Variants in THOC1 observed in about 807,000 individuals in gnomAD.
THOC1 encodes the protein THO complex 1.
In THOC1, 29 loss-of-function variants were observed where a neutral mutation model predicts 97.3. The ratio of observed to expected loss-of-function variants is 0.30; its 90% CI spans 0.22 to 0.41. The LOEUF (loss-of-function observed/expected upper bound fraction) is 0.41. THOC1 is among the 10% of genes least tolerant of loss of function. The pLI is 1.00. For missense variants in THOC1, 529 were observed against 761.9 expected, an observed-to-expected ratio of 0.69 and a Z score of 3.60; for synonymous variants, 255 against 257.0, an observed-to-expected ratio of 0.99 and a Z score of 0.07.
intron 11 of THOC1, among the ~76,000 whole-genome samples, chr18:234,169 A>C (rs560094066): frequency 1.3e-5 from 2 of 152,300 alleles, no homozygotes; most frequent in African/African-American, 4.8e-5. Flanking sequence ...TAGTTCTAAC[A>C]GTTTCTTGGT....
intron 9 of THOC1, among the ~76,000 whole-genome samples, chr18:250,531 T>A (rs1912245601): frequency 6.6e-6 from 1 of 152,254 alleles, no homozygotes. Flanking sequence ...TATATTTTTT[T>A]AAATGTTCAG....
intron 17 of THOC1, among the ~76,000 whole-genome samples, chr18:223,034 CATTA>C (rs1298534973): frequency 1.3e-5 from 2 of 152,148 alleles, no homozygotes; most frequent in East Asian, 3.9e-4. Context: ...ATTTCTTAAT[CATTA>C]ATTAACCCAT....
intron 9 of THOC1, among the ~76,000 whole-genome samples, chr18:250,674 A>G (rs960427771): frequency 3.9e-5 from 6 of 152,228 alleles, no homozygotes; most frequent in East Asian, 1.9e-4. Context: ...TACAGTGCCT[A>G]AGACCATCTG....
intron 6 of THOC1, 61 bp downstream of exon 6, chr18:259,621 A>G: frequency 8.2e-7 from 1 of 1,213,918 alleles, no homozygotes; most frequent in Non-Finnish European, 1.2e-6. Flanking sequence ...TAATTCAACC[A>G]TGTGTTTTTC....
intron 11 of THOC1, among the ~76,000 whole-genome samples, chr18:235,464 TA>T (rs1383800106): frequency 6.6e-6 from 1 of 152,176 alleles, no homozygotes; most frequent in Non-Finnish European, 1.5e-5. Flanking sequence ...CATTAATGCA[TA>T]TGAAGCTTTA....
intron 2 of THOC1, 22 bp from the exon 3 acceptor site, chr18:265,385 C>G (rs192785049): frequency 1.9e-6 from 3 of 1,598,976 alleles, no homozygotes; most frequent in African/African-American, 1.3e-5. Flanking sequence ...AAAAGACATC[C>G]TCATTTTTCA....
intron 11 of THOC1, among the ~76,000 whole-genome samples, chr18:233,417 T>C (rs1034475479): frequency 2.0e-5 from 3 of 152,140 alleles, no homozygotes; most frequent in Middle Eastern, 3.4e-3. Context: ...AGAAACCTTG[T>C]CTCTATTAAA....
chr18:226,860 G>A lies in THOC1; in HGVS notation c.960C>T (p.His320=). 6.2e-7 allele frequency: 1 copy of A among 1,612,066 alleles called. No individual in the cohort carries two copies. Among genetic ancestry groups the A allele is most frequent in the East Asian group, 2.2e-5 (1 of 44,846 alleles). Residue 320 remains histidine (H), a synonymous_variant, in exon 12 of 21, where the codon CAC becomes CAT. Transcript: ENST00000261600. ...ATAAAATGAGATACTGCAACAGGAT[G>A]TGTCGACGAAAGTTACTGTCACTCA... ...LQLSDSNFRR[H]ILLQYLILFQ...
intron 17 of THOC1, among the ~76,000 whole-genome samples, chr18:220,182 A>G (rs1464996226): frequency 6.6e-6 from 1 of 152,204 alleles, no homozygotes; most frequent in Non-Finnish European, 1.5e-5. Context: ...TGTTAAATGA[A>G]CATTCTTGCA....
At chr18:249,371 TA>T (rs1413587127) in intron 9 of THOC1, among the ~76,000 whole-genome samples, 1 of 152,006 alleles carries the variant, frequency 6.6e-6, no homozygotes, top group Non-Finnish European at 1.5e-5. Flanking sequence ...ATTGGGTTTT[TA>T]AAAAAAGCCA....
chr18:248,972 G>C (rs1216568895), intron 9 of THOC1, among the ~76,000 whole-genome samples: 2 of 151,976 alleles, frequency 1.3e-5, no homozygotes, highest in Non-Finnish European at 2.9e-5. Flanking sequence ...GGATGGTCTC[G>C]AGTTCCTGAC....
At chr18:264,138 A>G in intron 3 of THOC1, 46 bp from the exon 4 acceptor site, 1 of 1,338,540 alleles carries the variant, frequency 7.5e-7, no homozygotes, top group Non-Finnish European at 1.1e-6. Flanking sequence ...AAGAGTTCAG[A>G]CTAAACTCGA....
chr18:260,473 TTAAG>T (rs1912570452), intron 4 of THOC1, 169 bp from the exon 5 acceptor site: 3 of 458,280 alleles, frequency 6.5e-6, no homozygotes, highest in Non-Finnish European at 1.2e-5. Flanking sequence ...TAGGACATAC[TTAAG>T]TAATTTTTGA....
chr18:253,016 C>T (rs1298667414), intron 8 of THOC1, among the ~76,000 whole-genome samples: 2 of 152,180 alleles, frequency 1.3e-5, no homozygotes, highest in East Asian at 1.9e-4. Context: ...AGTTCCTCAA[C>T]ACCAATAATG....
At position 223,501 on chromosome 18, in the gene THOC1, C is replaced by T. The variant is rs1421750825; in HGVS notation, c.1309G>A (p.Glu437Lys). 6.4e-7 allele frequency: 1 copy of T among 1,558,212 alleles called. No homozygotes were observed. Among genetic ancestry groups the T allele is most frequent in the Non-Finnish European group, 8.7e-7 (1 of 1,149,918 alleles). ...PTKKILMGNE[E>K]LTRLWNLCPD... is the part of the protein sequence containing the mutation. ...CAAAGATTCCAAAGCCTTGTTAACT[C>T]CTCACTACAAAATAGACACAGAAAT... The change falls in exon 17 of 21, where the codon GAG becomes AAG. Residue 437 changes from glutamate (E) to lysine (K), a missense_variant. This residue lies in a region of THOC1 where 123 missense variants were observed against 159.0 expected (regional missense o/e 0.77). Coordinates refer to ENST00000261600, the MANE Select transcript of THOC1 (RefSeq NM_005131.3).
intron 11 of THOC1, among the ~76,000 whole-genome samples, chr18:232,099 TA>T (rs1194919775): frequency 6.6e-6 from 1 of 152,158 alleles, no homozygotes; most frequent in African/African-American, 2.4e-5. Flanking sequence ...TTATTATTCT[TA>T]TTTATTGTTT....
intron 16 of THOC1, 43 bp downstream of exon 16, chr18:224,040 TA>T: frequency 1.5e-6 from 2 of 1,317,260 alleles, no homozygotes; most frequent in Non-Finnish European, 1.1e-6. Flanking sequence ...CTTCAAAATA[TA>T]AAAATAACTA....
chr18:249,405 A>G (rs556327169), intron 9 of THOC1, among the ~76,000 whole-genome samples: 21 of 152,224 alleles, frequency 1.4e-4, no homozygotes, highest in Non-Finnish European at 2.8e-4. Flanking sequence ...GGTGGCTCAC[A>G]CCTGTAATCC....
chr18:265,120 A>C (rs2143311258), intron 3 of THOC1, 183 bp downstream of exon 3: 1 of 574,400 alleles, frequency 1.7e-6, no homozygotes, highest in Middle Eastern at 4.7e-4. Context: ...AAACCCTTAA[A>C]ATGTACCTGT....
Sources: allele counts gnomAD v4.1 joint callset (sites outside exome capture counted in the v4.1 genomes callset), GRCh38; gene constraint gnomAD v4.1.1; regional missense constraint gnomAD v4.1.1; transcripts MANE v1.5; gene names NCBI Gene and HGNC (gene_info 2026-07-23, HGNC 2026-07-21).